PRSS55: variants seen among roughly 807,000 people sequenced by gnomAD.
PRSS55 encodes the protein probable serine protease UNQ9391/PRO34284.
In PRSS55, 41 loss-of-function variants were observed where a neutral mutation model predicts 23.6. That is an observed-to-expected ratio of 1.74 (90% CI 1.35 to 2.26). The LOEUF (loss-of-function observed/expected upper bound fraction) is 2.26, where lower values mean the gene tolerates loss of function less well. PRSS55 is among the 30% of genes most tolerant of loss of function. The probability of loss-of-function intolerance (pLI) is 0.00; values close to 1 mark genes in which losing one functional copy is unlikely to be tolerated. For missense variants in PRSS55, 669 were observed against 439.1 expected (o/e 1.52, Z -4.68); for synonymous variants, 262 against 175.5 (o/e 1.49, Z -3.90).
intron 1 of PRSS55, among the ~76,000 whole-genome samples, chr8:10,528,919 G>C (rs889634796): frequency 6.6e-6 from 1 of 152,106 alleles, no homozygotes; most frequent in African/African-American, 2.4e-5. Context: ...GCGTCTCTTT[G>C]CCTTTCCTCT....
rs181984536 is a variant in PRSS55, at chr8:10,535,119, A to G, written c.741+2071A>G. On this transcript the variant is annotated intron_variant, in intron 4 of 4. Coordinates refer to ENST00000328655, the MANE Select transcript of PRSS55 (RefSeq NM_198464.4). ...ATGCTCATGGATAGGAAGAATCAATATCATTAAAATGGCCATACTACCCAA... is the reference window on the plus strand; with the variant it reads ...ATGCTCATGGATAGGAAGAATCAATGTCATTAAAATGGCCATACTACCCAA... 6.0e-3 allele frequency among the ~76,000 whole-genome samples: 915 copies of G among 152,388 alleles called. 10 individuals carry two copies. The highest frequency in any genetic ancestry group is 0.02 in the African/African-American group (841 of 41,598).
chr8:10,531,945 G>C (rs1212177510), intron 3 of PRSS55, among the ~76,000 whole-genome samples: 1 of 152,188 alleles, frequency 6.6e-6, no homozygotes, highest in Non-Finnish European at 1.5e-5. Flanking sequence ...GCGTTGCCTG[G>C]CTCTTCTTAG....
chr8:10,551,635 C>A (rs1812953437), intron 4 of PRSS55, among the ~76,000 whole-genome samples: 2 of 152,264 alleles, frequency 1.3e-5, no homozygotes, highest in African/African-American at 4.8e-5. Context: ...CCTGGCAACG[C>A]TGACCGATGT....
At chr8:10,529,908 C>G (rs1585868257) in intron 2 of PRSS55, among the ~76,000 whole-genome samples, 1 of 152,202 alleles carries the variant, frequency 6.6e-6, no homozygotes, top group Non-Finnish European at 1.5e-5. Flanking sequence ...ATCACCAGAG[C>G]CAGTGACTAC....
intron 1 of PRSS55, 168 bp from the exon 2 acceptor site, chr8:10,529,339 C>A: frequency 1.5e-6 from 1 of 673,550 alleles, no homozygotes; most frequent in Non-Finnish European, 2.7e-6. Flanking sequence ...CATCTGCCGG[C>A]TGATGTCACA....
At position 10,538,487 on chromosome 8, in the gene PRSS55, G is replaced by A. The variant is rs752733786; in HGVS notation, c.753G>A (p.Gly251=). The change falls in exon 5 of 5, where the codon GGG becomes GGA. Residue 251 remains glycine, a synonymous_variant. Coordinates refer to ENST00000328655, the MANE Select transcript of PRSS55 (RefSeq NM_198464.4). ...TTCTCTGCCCACAGGGTGACAGTGG[G>A]GGGCCTCTGGTCTGCACCCCAGAGC... The part of the protein sequence containing the change: ...ESYDACKGDS[G]GPLVCTPEPG... The A allele has an allele frequency of 1.9e-6, 3 of 1,612,560 alleles. No individual in the cohort carries two copies. The highest frequency in any genetic ancestry group is 2.7e-5 in the African/African-American group (2 of 74,892).
chr8:10,530,277 C>G (rs975697133), intron 2 of PRSS55, among the ~76,000 whole-genome samples: 3 of 152,094 alleles, frequency 2.0e-5, no homozygotes, highest in Non-Finnish European at 4.4e-5. Flanking sequence ...GAGTTCGAGA[C>G]TGGCCTGGCC....
chr8:10,525,826 C>G, intron 1 of PRSS55, 87 bp downstream of exon 1: 2 of 1,397,070 alleles, frequency 1.4e-6, no homozygotes, highest in Non-Finnish European at 1.9e-6. Context: ...AGCACAAGGC[C>G]AGAGCTCCAG....
At chr8:10,527,861 G>A (rs964265286) in intron 1 of PRSS55, among the ~76,000 whole-genome samples, 40 of 152,194 alleles carry the variant, frequency 2.6e-4, no homozygotes, top group Non-Finnish European at 4.9e-4. Flanking sequence ...TTGCAACAGT[G>A]CCTGACGCAC....
downstream of PRSS55, among the ~76,000 whole-genome samples, chr8:10,543,522 T>C (rs1350051329): frequency 4.1e-5 from 6 of 147,586 alleles, no homozygotes; most frequent in Non-Finnish European, 8.9e-5. Context: ...TCGCCCAGGC[T>C]CAGTGCAGCG....
At chr8:10,538,836 G>C (rs1027741992), downstream of PRSS55, 1 of 1,503,058 alleles carries the variant, frequency 6.7e-7, no homozygotes, top group South Asian at 1.3e-5. Flanking sequence ...GAGGGTGCAT[G>C]CAAGTGCGTC....
At chr8:10,532,002 C>T (rs4841368) in intron 3 of PRSS55, among the ~76,000 whole-genome samples, 108,879 of 151,808 alleles carry the variant, frequency 0.72, 39,097 homozygotes, top group African/African-American at 0.77. Flanking sequence ...TTGGCCAAAA[C>T]AGAAGAAAGT....
chr8:10,527,807 T>C (rs1336958195), intron 1 of PRSS55, among the ~76,000 whole-genome samples: 1 of 152,232 alleles, frequency 6.6e-6, no homozygotes, highest in African/African-American at 2.4e-5. Flanking sequence ...CCTACCTCAA[T>C]AGGGCAGTTA....
At chr8:10,530,429 C>T (rs964401370) in intron 2 of PRSS55, among the ~76,000 whole-genome samples, 1 of 152,214 alleles carries the variant, frequency 6.6e-6, no homozygotes. Context: ...GAGCCAAGAT[C>T]GCACCACTGG....
chr8:10,527,627 C>T (rs1197114338), intron 1 of PRSS55, among the ~76,000 whole-genome samples: 1 of 152,256 alleles, frequency 6.6e-6, no homozygotes, highest in African/African-American at 2.4e-5. Context: ...AAGAATATTT[C>T]AGGCAGAGAG....
chr8:10,527,977 C>A (rs1278629611), intron 1 of PRSS55, among the ~76,000 whole-genome samples: 1 of 152,162 alleles, frequency 6.6e-6, no homozygotes, highest in African/African-American at 2.4e-5. Context: ...CTTTGGGAGG[C>A]CGAGGCGGGC....
intron 4 of PRSS55, among the ~76,000 whole-genome samples, chr8:10,537,879 T>C (rs1166408373): frequency 2.0e-5 from 3 of 152,200 alleles, no homozygotes; most frequent in Non-Finnish European, 2.9e-5. Context: ...GGGCATTTGT[T>C]TGATTTATGT....
chr8:10,529,283 G>T, intron 1 of PRSS55: 1 of 590,464 alleles, frequency 1.7e-6, no homozygotes, highest in South Asian at 2.0e-5. Context: ...CAGAGCCAAT[G>T]CTTCTGACTC....
intron 4 of PRSS55, chr8:10,547,503 C>G (rs1018784304): frequency 6.5e-6 from 1 of 152,856 alleles, no homozygotes; most frequent in Admixed American, 6.5e-5. Context: ...CCAGGGCCCT[C>G]GGCCTCAGCC....
Sources: gnomAD v4.1 joint callset for allele counts (sites outside exome capture counted in the v4.1 genomes callset) on GRCh38, gnomAD v4.1.1 for gene constraint, MANE v1.5 for transcripts, NCBI Gene and HGNC (gene_info 2026-07-23, HGNC 2026-07-21) for gene names.